The following TENM2 variants were observed in gnomAD, a reference collection of about 807,000 sequenced individuals.
TENM2 encodes teneurin-2.
Under a neutral mutation model 245.2 loss-of-function variants are expected in TENM2, and 52 were observed. That is an observed-to-expected ratio of 0.21 (90% CI 0.17 to 0.27). The LOEUF is 0.27. Ranked by LOEUF, TENM2 falls within the 10% of genes least tolerant of loss-of-function variation. The pLI, the probability that TENM2 is intolerant of heterozygous loss-of-function variation, is 1.00. For missense variants in TENM2, 3,046 were observed against 3,666.8 expected (o/e 0.83, Z 4.37); for synonymous variants, 1,363 against 1,438.9 (o/e 0.95, Z 1.19).
intron 2 of TENM2, among the ~76,000 whole-genome samples, chr5:167,496,106 A>G (rs1768799922): frequency 6.6e-6 from 1 of 152,074 alleles, no homozygotes; most frequent in African/African-American, 2.4e-5. Flanking sequence ...AACTAGGACA[A>G]TCCTTTTAGA....
intron 2 of TENM2, among the ~76,000 whole-genome samples, chr5:167,655,021 A>G (rs911776680): frequency 1.3e-5 from 2 of 152,172 alleles, no homozygotes; most frequent in Admixed American, 1.3e-4. Flanking sequence ...TAGGTTATAA[A>G]CATTATGTCT....
At chr5:167,057,810 A>G in the TENM2 span, among the ~76,000 whole-genome samples, 1 of 152,188 alleles carries the variant, frequency 6.6e-6, no homozygotes, top group African/African-American at 2.4e-5. Flanking sequence ...TGCCAGAAGC[A>G]CAGGGGGATT....
intron 2 of TENM2, among the ~76,000 whole-genome samples, chr5:167,566,396 C>G (rs1406898699): frequency 1.3e-5 from 2 of 152,148 alleles, no homozygotes; most frequent in Admixed American, 6.5e-5. Context: ...TTCCTAGCAG[C>G]TTCCAGAGCT....
At chr5:167,678,442 T>C (rs1162144336) in intron 2 of TENM2, among the ~76,000 whole-genome samples, 1 of 152,118 alleles carries the variant, frequency 6.6e-6, no homozygotes, top group African/African-American at 2.4e-5. Flanking sequence ...TTGGTAAAAA[T>C]AGCTAATAAG....
intron 12 of TENM2, among the ~76,000 whole-genome samples, chr5:168,152,245 C>A (rs1862350): frequency 0.77 from 117,607 of 152,166 alleles, 46,232 homozygotes; most frequent in African/African-American, 0.92. Context: ...TGTGGCTATT[C>A]TATAAAAAGC....
chr5:167,209,922 A>G, the TENM2 span, among the ~76,000 whole-genome samples: 1 of 152,342 alleles, frequency 6.6e-6, no homozygotes, highest in Admixed American at 6.5e-5. Flanking sequence ...ATTTAGTCAT[A>G]TACAATTAAC....
At chr5:167,060,979 T>G in the TENM2 span, among the ~76,000 whole-genome samples, 2 of 152,088 alleles carry the variant, frequency 1.3e-5, no homozygotes, top group Admixed American at 1.3e-4. Context: ...TTAGAATATT[T>G]GAGGGAGTGT....
intron 2 of TENM2, among the ~76,000 whole-genome samples, chr5:167,545,333 C>A (rs1244053732): frequency 6.6e-6 from 1 of 152,102 alleles, no homozygotes; most frequent in African/African-American, 2.4e-5. Context: ...TTCATTCAAG[C>A]AATTTGGGCT....
chr5:167,536,783 G>A (rs1193541280), intron 2 of TENM2, among the ~76,000 whole-genome samples: 3 of 152,240 alleles, frequency 2.0e-5, no homozygotes, highest in East Asian at 1.9e-4. Context: ...TTGGGAGACC[G>A]AGGCAGGCAG....
intron 2 of TENM2, among the ~76,000 whole-genome samples, chr5:167,627,788 C>T (rs973713405): frequency 4.6e-5 from 7 of 152,068 alleles, no homozygotes; most frequent in Non-Finnish European, 1.0e-4. Flanking sequence ...AACTCCTGGC[C>T]TCCAGTCATC....
At chr5:168,105,182 G>T (rs920582432) in intron 9 of TENM2, among the ~76,000 whole-genome samples, 2 of 152,194 alleles carry the variant, frequency 1.3e-5, no homozygotes, top group South Asian at 4.1e-4. Context: ...TGGAACTCAC[G>T]CTGGGAGAGG....
chr5:168,262,912 G>C, exon 29 of TENM2: 2 of 1,159,976 alleles, frequency 1.7e-6, no homozygotes. Flanking sequence ...CTGCGGCTGG[G>C]CTGCTTTAGG....
intron 20 of TENM2, 196 bp from the exon 23 acceptor site, chr5:168,214,844 A>AT (rs1254420428): frequency 1.3e-5 from 9 of 679,778 alleles, no homozygotes; most frequent in Non-Finnish European, 1.9e-5. Flanking sequence ...CATAAGAAGC[A>AT]TAAGTCCAAT....
At chr5:167,093,142 T>TG in the TENM2 span, among the ~76,000 whole-genome samples, 409 of 151,498 alleles carry the variant, frequency 2.7e-3, 1 homozygote, top group Middle Eastern at 0.017. Context: ...AGGATTCATT[T>TG]GGGGGAGGAA....
intron 2 of TENM2, among the ~76,000 whole-genome samples, chr5:167,809,495 T>G (rs541365670): frequency 6.6e-6 from 1 of 152,168 alleles, no homozygotes; most frequent in Non-Finnish European, 1.5e-5. Context: ...ATGATCTTTC[T>G]TCCCCTGAAC....
exon 29 of TENM2, chr5:168,262,271 G>A: frequency 1.2e-6 from 2 of 1,608,112 alleles, no homozygotes; most frequent in Non-Finnish European, 1.7e-6. Flanking sequence ...TAGCCGCAAG[G>A]TGGCATCTGT....
rs892867542 is a variant in TENM2 at position 167,458,508 on chromosome 5, A to C, written c.502+83035A>C. 1.1e-4 allele frequency among the ~76,000 whole-genome samples: 16 copies of C among 150,134 alleles called. 1 individual carries two copies. The highest frequency in any genetic ancestry group is 4.2e-4 in the South Asian group (2 of 4,772). Reference sequence around the variant, plus strand: ...TCTCAAAAAAACAAAAAAAAAAAAAAAAAAAAAAGACATTTTTGGTTATAA... The same window carrying C: ...TCTCAAAAAAACAAAAAAAAAAAAACAAAAAAAAGACATTTTTGGTTATAA... On this transcript the variant is annotated intron_variant, in intron 2 of 28. Transcript: ENST00000518659.
chr5:167,692,732 A>T (rs1429659474), intron 2 of TENM2, among the ~76,000 whole-genome samples: 9 of 152,232 alleles, frequency 5.9e-5, no homozygotes, highest in Non-Finnish European at 1.0e-4. Context: ...CCTCCTTCCC[A>T]AGAAAAAGAT....
rs373777399 is a variant in TENM2 at position 167,900,795 on chromosome 5, A to C, written c.712+24600A>C. Among the ~76,000 whole-genome samples, 44 of 147,986 alleles carry C rather than the reference A, an allele frequency of 3.0e-4. No homozygotes were observed. The East Asian group carries it at 6.7e-3, about 22-fold the overall frequency. On this transcript the variant is annotated intron_variant, in intron 3 of 28. Coordinates refer to ENST00000518659, the Ensembl canonical transcript of TENM2. Reference sequence around the variant, plus strand: ...GCCTGGCGTGTCCTGTCTTGATTGAAGGCTCAGGAAGCAGGAAGACTGGAG... The same window carrying C: ...GCCTGGCGTGTCCTGTCTTGATTGACGGCTCAGGAAGCAGGAAGACTGGAG...
Sources: gnomAD v4.1 joint callset for allele counts (sites outside exome capture counted in the v4.1 genomes callset) on GRCh38, gnomAD v4.1.1 for gene constraint, MANE v1.5 for transcripts, NCBI Gene and HGNC (gene_info 2026-07-23, HGNC 2026-07-21) for gene names.